ELMO1: variants seen among roughly 807,000 people sequenced by gnomAD.
The protein encoded by ELMO1 is engulfment and cell motility protein 1.
A neutral mutation model predicts 98.9 loss-of-function variants in ELMO1; 26 were observed. The ratio of observed to expected loss-of-function variants is 0.26; its 90% CI spans 0.19 to 0.36. ELMO1 has a LOEUF of 0.36. Among genes scored for constraint, ELMO1 ranks in the 10% least tolerant of loss-of-function variants. The pLI is 1.00. For synonymous variants in ELMO1, 346 were observed against 346.0 expected, an observed-to-expected ratio of 1.00 and a Z score of 0.00; for missense variants, 627 against 935.2, an observed-to-expected ratio of 0.67 and a Z score of 4.30.
chr7:37,207,601 G>C (rs1458310523), intron 13 of ELMO1, among the ~76,000 whole-genome samples: 1 of 152,072 alleles, frequency 6.6e-6, no homozygotes, highest in African/African-American at 2.4e-5. Context: ...CCCACCAGGG[G>C]ACCTACAAAG....
intron 7 of ELMO1, among the ~76,000 whole-genome samples, chr7:37,239,328 A>G (rs1794641622): frequency 6.6e-6 from 1 of 151,976 alleles, no homozygotes; most frequent in Non-Finnish European, 1.5e-5. Context: ...CCATGCATGG[A>G]TAATTTTTTT....
chr7:37,414,730 G>A lies in ELMO1; in HGVS notation c.-74+33945C>T, dbSNP rs866666191. ...TAAGCTTTTATTGTTTAAGCCAGTC[G>A]GCATTCAATTTTCTGTTTCTTACCA... On this transcript the variant is annotated intron_variant, in intron 1 of 21. Coordinates refer to ENST00000310758, the MANE Select transcript of ELMO1 (RefSeq NM_014800.11). Among the ~76,000 whole-genome samples, 31 of 152,162 alleles carry A rather than the reference G, an allele frequency of 2.0e-4. 1 individual carries two copies. In the South Asian group the frequency reaches 4.4e-3, roughly 21 times the overall value.
intron 1 of ELMO1, chr7:37,351,047 A>C (rs981000040): frequency 6.6e-6 from 1 of 150,602 alleles, no homozygotes; most frequent in Non-Finnish European, 1.5e-5. Flanking sequence ...AATAAAACAC[A>C]AAAGGCAGAA....
intron 15 of ELMO1, among the ~76,000 whole-genome samples, chr7:37,088,628 C>T (rs1783908280): frequency 6.6e-6 from 1 of 152,054 alleles, no homozygotes; most frequent in Admixed American, 6.5e-5. Context: ...TGAAGGTTAA[C>T]CATCATGGCA....
chr7:36,962,041 C>T (rs902164415), intron 16 of ELMO1, among the ~76,000 whole-genome samples: 1 of 152,232 alleles, frequency 6.6e-6, no homozygotes, highest in Non-Finnish European at 1.5e-5. Flanking sequence ...AAATGCTGCT[C>T]TTTGGTGAAA....
intron 1 of ELMO1, among the ~76,000 whole-genome samples, chr7:37,395,413 A>T (rs2131436191): frequency 6.6e-6 from 1 of 150,750 alleles, no homozygotes; most frequent in African/African-American, 2.4e-5. Flanking sequence ...TGCCTCTCTC[A>T]ATGCCACCTA....
intron 13 of ELMO1, among the ~76,000 whole-genome samples, chr7:37,171,652 C>G (rs1317456216): frequency 2.0e-5 from 3 of 151,820 alleles, no homozygotes; most frequent in Non-Finnish European, 4.4e-5. Flanking sequence ...ACCACCATGC[C>G]CAGCTAATTT....
At chr7:36,974,507 C>G (rs904758631) in intron 16 of ELMO1, among the ~76,000 whole-genome samples, 1 of 152,150 alleles carries the variant, frequency 6.6e-6, no homozygotes, top group South Asian at 2.1e-4. Context: ...CTTGGAGAAC[C>G]TTTGTGTCCA....
chr7:36,991,819 G>A (rs1791897583), intron 16 of ELMO1, among the ~76,000 whole-genome samples: 1 of 152,162 alleles, frequency 6.6e-6, no homozygotes, highest in South Asian at 2.1e-4. Flanking sequence ...CTTACCATGG[G>A]CCTATGCTAT....
chr7:37,106,427 C>T (rs1321933266), intron 14 of ELMO1, among the ~76,000 whole-genome samples: 2 of 152,128 alleles, frequency 1.3e-5, no homozygotes, highest in African/African-American at 4.8e-5. Context: ...TCCTCTCCTC[C>T]AGAGGATGCA....
chr7:37,243,254 A>T (rs1794843863), intron 7 of ELMO1, among the ~76,000 whole-genome samples: 1 of 152,188 alleles, frequency 6.6e-6, no homozygotes, highest in South Asian at 2.1e-4. Context: ...AAATTCCTCT[A>T]TATTTGCAAA....
intron 4 of ELMO1, among the ~76,000 whole-genome samples, chr7:37,286,005 G>A (rs1053399284): frequency 2.0e-5 from 3 of 149,848 alleles, no homozygotes; most frequent in African/African-American, 7.4e-5. Flanking sequence ...CAAGAAAAAA[G>A]AGCTGCACTT....
At chr7:37,446,067 A>G (rs1457708136) in intron 1 of ELMO1, among the ~76,000 whole-genome samples, 1 of 152,216 alleles carries the variant, frequency 6.6e-6, no homozygotes, top group Admixed American at 6.5e-5. Flanking sequence ...GTGGCCTGGC[A>G]TGGGGGAAAG....
intron 13 of ELMO1, among the ~76,000 whole-genome samples, chr7:37,159,157 TA>T (rs1215648922): frequency 7.2e-5 from 11 of 151,848 alleles, no homozygotes; most frequent in African/African-American, 2.7e-4. Flanking sequence ...CTGTCGTGGG[TA>T]GGGGGGCTGG....
At chr7:37,306,471 G>A (rs1449124888) in intron 4 of ELMO1, among the ~76,000 whole-genome samples, 3 of 152,158 alleles carry the variant, frequency 2.0e-5, no homozygotes, top group Non-Finnish European at 4.4e-5. Flanking sequence ...GGGAGTGCAT[G>A]GGGAGTCCAT....
intron 15 of ELMO1, among the ~76,000 whole-genome samples, chr7:37,018,125 A>T (rs1584521368): frequency 7.0e-6 from 1 of 142,594 alleles, no homozygotes; most frequent in Admixed American, 7.0e-5. Flanking sequence ...GCTATTAGTT[A>T]CTATTTTTTT....
At chr7:36,982,557 A>T (rs1791157088) in intron 16 of ELMO1, among the ~76,000 whole-genome samples, 1 of 152,214 alleles carries the variant, frequency 6.6e-6, no homozygotes, top group South Asian at 2.1e-4. Flanking sequence ...TAGTCTTGTT[A>T]AAATGTCTTC....
chr7:37,263,363 T>G (rs1338893163), intron 5 of ELMO1, among the ~76,000 whole-genome samples: 3 of 152,132 alleles, frequency 2.0e-5, no homozygotes, highest in Non-Finnish European at 2.9e-5. Flanking sequence ...ATTCACTGAT[T>G]CAACAAATAC....
intron 1 of ELMO1, among the ~76,000 whole-genome samples, chr7:37,374,483 G>A (rs1183155627): frequency 6.6e-6 from 1 of 152,192 alleles, no homozygotes. Context: ...CGGGAGTGGC[G>A]GCTCATGCCT....
Sources: allele counts gnomAD v4.1 joint callset (sites outside exome capture counted in the v4.1 genomes callset), GRCh38; gene constraint gnomAD v4.1.1; transcripts MANE v1.5; gene names NCBI Gene and HGNC (gene_info 2026-07-23, HGNC 2026-07-21).